The following SGCZ variants were observed in gnomAD, a reference collection of about 807,000 sequenced individuals.
SGCZ encodes the protein sarcoglycan zeta.
Under a neutral mutation model 41.3 loss-of-function variants are expected in SGCZ, and 40 were observed. The observed-to-expected ratio is 0.97, with a 90% CI of 0.75 to 1.26. The LOEUF (loss-of-function observed/expected upper bound fraction) is 1.26. Ranked by LOEUF, SGCZ falls within the 50% of genes most tolerant of loss-of-function variation. The probability of loss-of-function intolerance (pLI) is 0.00; values close to 1 mark genes in which losing one functional copy is unlikely to be tolerated. For missense variants in SGCZ, 552 were observed against 369.8 expected, an observed-to-expected ratio of 1.49 and a Z score of -4.04; for synonymous variants, 206 against 137.5, an observed-to-expected ratio of 1.50 and a Z score of -3.49.
chr8:14,946,875 C>T (rs920586019), intron 1 of SGCZ, among the ~76,000 whole-genome samples: 18 of 151,900 alleles, frequency 1.2e-4, no homozygotes, highest in African/African-American at 3.4e-4. Flanking sequence ...GGGGTTTCAC[C>T]ATATTGGCCA....
intron 1 of SGCZ, among the ~76,000 whole-genome samples, chr8:15,047,171 A>G (rs1804337312): frequency 6.6e-6 from 1 of 152,058 alleles, no homozygotes; most frequent in South Asian, 2.1e-4. Context: ...ATACATAGTA[A>G]TGGACTAAAA....
chr8:15,122,804 T>C (rs914341061), intron 1 of SGCZ, among the ~76,000 whole-genome samples: 32 of 152,200 alleles, frequency 2.1e-4, no homozygotes, highest in African/African-American at 7.2e-4. Flanking sequence ...ATTTCACCTT[T>C]TGACATATCA....
At chr8:15,203,710 G>A (rs569523098) in intron 1 of SGCZ, among the ~76,000 whole-genome samples, 39 of 152,266 alleles carry the variant, frequency 2.6e-4, no homozygotes, top group African/African-American at 7.5e-4. Flanking sequence ...ACAGCCTGCC[G>A]TTCGGAAAGT....
intron 1 of SGCZ, among the ~76,000 whole-genome samples, chr8:14,991,520 C>T (rs1802013961): frequency 6.6e-6 from 1 of 152,242 alleles, no homozygotes; most frequent in Non-Finnish European, 1.5e-5. Context: ...GCTCAACTTT[C>T]ATGTCATCTG....
At chr8:14,361,929 C>G (rs1031536972) in intron 2 of SGCZ, among the ~76,000 whole-genome samples, 1 of 152,318 alleles carries the variant, frequency 6.6e-6, no homozygotes, top group African/African-American at 2.4e-5. Context: ...TTCCTTCTAA[C>G]AGACAGGCCC....
chr8:14,510,237 G>A (rs9657240), intron 2 of SGCZ, among the ~76,000 whole-genome samples: 2,967 of 152,170 alleles, frequency 0.019, 63 homozygotes, highest in African/African-American at 0.048. Context: ...TTTTATGGAA[G>A]TAAAATAAGA....
intron 1 of SGCZ, among the ~76,000 whole-genome samples, chr8:14,795,078 C>G (rs569054744): frequency 8.5e-4 from 130 of 152,098 alleles, no homozygotes; most frequent in Non-Finnish European, 1.5e-3. Context: ...CAAGAGTTCC[C>G]TAGATAAAGG....
intron 2 of SGCZ, among the ~76,000 whole-genome samples, chr8:14,462,514 T>C (rs574507561): frequency 6.6e-6 from 1 of 152,060 alleles, no homozygotes; most frequent in East Asian, 1.9e-4. Flanking sequence ...TTCGACCCAA[T>C]TTTTTGACAA....
chr8:14,454,097 G>T (rs1372678491), intron 2 of SGCZ, among the ~76,000 whole-genome samples: 1 of 152,166 alleles, frequency 6.6e-6, no homozygotes, highest in Non-Finnish European at 1.5e-5. Flanking sequence ...GCAAGAATTT[G>T]GGGAATGGCC....
chr8:15,161,386 G>A (rs1191361626), intron 1 of SGCZ, among the ~76,000 whole-genome samples: 3 of 152,002 alleles, frequency 2.0e-5, no homozygotes, highest in Non-Finnish European at 4.4e-5. Flanking sequence ...TTTCTCCACA[G>A]CACTTACCCC....
intron 1 of SGCZ, among the ~76,000 whole-genome samples, chr8:15,099,232 G>C (rs1806509130): frequency 6.6e-6 from 1 of 152,058 alleles, no homozygotes; most frequent in African/African-American, 2.4e-5. Context: ...TCAATAATAA[G>C]ACATTGAACA....
chr8:14,553,590 C>T (rs953615132), intron 2 of SGCZ, among the ~76,000 whole-genome samples: 4 of 152,056 alleles, frequency 2.6e-5, no homozygotes, highest in Non-Finnish European at 5.9e-5. Flanking sequence ...GACAGTGTCT[C>T]CTCTCTGGAA....
chr8:14,110,459 A>AGAATT (rs1277516640), intron 5 of SGCZ, among the ~76,000 whole-genome samples: 9 of 152,318 alleles, frequency 5.9e-5, no homozygotes, highest in African/African-American at 2.2e-4. Context: ...ATTTTCAGTG[A>AGAATT]GAATTAAAAA....
chr8:14,537,984 A>G (rs1233635294), intron 2 of SGCZ, among the ~76,000 whole-genome samples: 1 of 151,904 alleles, frequency 6.6e-6, no homozygotes, highest in Non-Finnish European at 1.5e-5. Flanking sequence ...TGAGTCATAC[A>G]TCTGATTGCT....
chr8:14,927,528 G>A (rs117084191), intron 1 of SGCZ, among the ~76,000 whole-genome samples: 3 of 138,338 alleles, frequency 2.2e-5, no homozygotes, highest in East Asian at 2.0e-4. Flanking sequence ...AGAAGAGCAA[G>A]AAGAAGGAAG....
intron 4 of SGCZ, among the ~76,000 whole-genome samples, chr8:14,207,824 A>C (rs1205094305): frequency 2.0e-5 from 3 of 152,192 alleles, no homozygotes; most frequent in African/African-American, 7.2e-5. Flanking sequence ...AGCAAAGCTC[A>C]TATCATTTTG....
At chr8:15,227,695 C>T (rs910508075) in intron 1 of SGCZ, among the ~76,000 whole-genome samples, 4 of 152,084 alleles carry the variant, frequency 2.6e-5, no homozygotes, top group African/African-American at 4.8e-5. Context: ...AATAAGACAA[C>T]GGGAAAAAAT....
chr8:15,069,423 T>A (rs531766661), intron 1 of SGCZ, among the ~76,000 whole-genome samples: 1 of 152,320 alleles, frequency 6.6e-6, no homozygotes, highest in East Asian at 1.9e-4. Context: ...AAAATGCATG[T>A]AAGGGTTGTA....
Position 14,554,937 on chromosome 8 carries a change from A to T in SGCZ, c.40-11T>A. On this transcript the variant is annotated splice_polypyrimidine_tract_variant and intron_variant, in intron 1 of 7. Transcript: ENST00000382080. ...TTGTTCTCGTGTCATCTGAAAAAGA[A>T]AAAAGAAAGAAAGAGAAAGAAGGAA... is the stretch of plus-strand genomic sequence containing the variant. 1.3e-6 allele frequency: 2 copies of T among 1,535,358 alleles called. No homozygotes were observed. Among genetic ancestry groups the T allele is most frequent in the Non-Finnish European group, 8.8e-7 (1 of 1,140,032 alleles).
Sources: allele counts gnomAD v4.1 joint callset (sites outside exome capture counted in the v4.1 genomes callset), GRCh38; gene constraint gnomAD v4.1.1; transcripts MANE v1.5; gene names NCBI Gene and HGNC (gene_info 2026-07-23, HGNC 2026-07-21).